BLTP1: variants seen among roughly 807,000 people sequenced by gnomAD.
The protein encoded by BLTP1 is fragile site-associated protein.
At chr4:122,180,045 T>A in the BLTP1 span, 1 of 656,354 alleles carries the variant, frequency 1.5e-6, no homozygotes, top group Admixed American at 7.1e-5. Context: ...CACACACACA[T>A]ACACACACAC....
the BLTP1 span, chr4:122,174,565 C>G: frequency 1.2e-6 from 2 of 1,608,220 alleles, no homozygotes; most frequent in Non-Finnish European, 1.7e-6. Flanking sequence ...TTTTTCCTTC[C>G]TATAACAGGT....
the BLTP1 span, chr4:122,336,321 T>C: frequency 6.2e-7 from 1 of 1,611,376 alleles, no homozygotes. Context: ...CTGGAAACTA[T>C]CCCAATTACA....
chr4:122,254,329 C>G, the BLTP1 span: 1 of 1,608,680 alleles, frequency 6.2e-7, no homozygotes, highest in Admixed American at 1.7e-5. Flanking sequence ...TGAGATCTCA[C>G]ACACATGCAT....
the BLTP1 span, chr4:122,246,140 C>T: frequency 1.4e-5 from 22 of 1,548,902 alleles, no homozygotes; most frequent in South Asian, 5.1e-5. Flanking sequence ...ATTTCACTTA[C>T]GATCTTTTTA....
At chr4:122,334,712 C>T in the BLTP1 span, among the ~76,000 whole-genome samples, 3 of 152,024 alleles carry the variant, frequency 2.0e-5, no homozygotes, top group African/African-American at 7.2e-5. Context: ...CAACCATTTT[C>T]ACCTGTTTTT....
chr4:122,204,617 G>T, the BLTP1 span: 4 of 974,878 alleles, frequency 4.1e-6, no homozygotes, highest in East Asian at 1.1e-4. Context: ...TAGCAGAGAG[G>T]ATATGAAAGA....
chr4:122,221,484 C>T, the BLTP1 span, among the ~76,000 whole-genome samples: 1 of 151,876 alleles, frequency 6.6e-6, no homozygotes, highest in Admixed American at 6.6e-5. Flanking sequence ...CAGTTTTTTT[C>T]CATGGTTAAG....
At chr4:122,257,752 A>T in the BLTP1 span, among the ~76,000 whole-genome samples, 1 of 152,154 alleles carries the variant, frequency 6.6e-6, no homozygotes, top group African/African-American at 2.4e-5. Flanking sequence ...CATGTCCCAA[A>T]TTGGAAAATG....
the BLTP1 span, chr4:122,230,322 A>T: frequency 1.1e-6 from 1 of 883,740 alleles, no homozygotes; most frequent in Non-Finnish European, 1.7e-6. Flanking sequence ...TTAAATAAAG[A>T]CCTAACATGA....
the BLTP1 span, chr4:122,202,549 G>A: frequency 1.0e-6 from 1 of 970,448 alleles, no homozygotes; most frequent in Admixed American, 6.2e-5. Context: ...TTACCTCTTT[G>A]ACTAGCCTTT....
At chr4:122,354,017 G>A in the BLTP1 span, 3 of 1,612,852 alleles carry the variant, frequency 1.9e-6, no homozygotes, top group Non-Finnish European at 1.7e-6. Flanking sequence ...AAGGAATGAA[G>A]GTTAAAATTT....
the BLTP1 span, chr4:122,305,819 T>C: frequency 2.1e-6 from 3 of 1,446,402 alleles, no homozygotes; most frequent in Non-Finnish European, 2.8e-6. Flanking sequence ...TAATGTTTAG[T>C]TTCATATTAA....
chr4:122,334,941 GC>G, the BLTP1 span, among the ~76,000 whole-genome samples: 2 of 151,962 alleles, frequency 1.3e-5, no homozygotes, highest in Non-Finnish European at 2.9e-5. Context: ...GAATTTAGTG[GC>G]TTACAACCTC....
At chr4:122,335,657 C>A in the BLTP1 span, among the ~76,000 whole-genome samples, 1 of 152,074 alleles carries the variant, frequency 6.6e-6, no homozygotes, top group African/African-American at 2.4e-5. Flanking sequence ...GGATGTCTTT[C>A]CTGGATTTGA....
the BLTP1 span, chr4:122,337,235 G>C: frequency 2.1e-5 from 11 of 522,192 alleles, no homozygotes; most frequent in Non-Finnish European, 1.0e-5. Context: ...ATGCTGTTCT[G>C]ATTAACCCAT....
chr4:122,342,719 T>C, the BLTP1 span, among the ~76,000 whole-genome samples: 1 of 152,096 alleles, frequency 6.6e-6, no homozygotes, highest in Non-Finnish European at 1.5e-5. Flanking sequence ...GAAAAACAAA[T>C]TCAAGGAAAA....
At chr4:122,237,421 A>C in the BLTP1 span, 1 of 912,120 alleles carries the variant, frequency 1.1e-6, no homozygotes, top group Non-Finnish European at 1.3e-6. Flanking sequence ...TCTGTGTATG[A>C]GGCATTATTC....
chr4:122,242,551 G>A, the BLTP1 span, among the ~76,000 whole-genome samples: 3 of 152,040 alleles, frequency 2.0e-5, no homozygotes, highest in African/African-American at 4.8e-5. Flanking sequence ...ATTTGTAAAG[G>A]TTCAATTTGA....
At chr4:122,359,471 T>TA in the BLTP1 span, 1 of 1,514,028 alleles carries the variant, frequency 6.6e-7, no homozygotes, top group Non-Finnish European at 8.9e-7. Flanking sequence ...AGGTCATAGA[T>TA]AAAATGAGAA....
Sources: gnomAD v4.1 joint callset for allele counts (sites outside exome capture counted in the v4.1 genomes callset) on GRCh38, gnomAD v4.1.1 for gene constraint, MANE v1.5 for transcripts, NCBI Gene and HGNC (gene_info 2026-07-23, HGNC 2026-07-21) for gene names.